WWOX: variants seen among roughly 807,000 people sequenced by gnomAD.
WWOX encodes the protein WW domain-containing oxidoreductase.
WWOX carries 69 observed loss-of-function variants against 46.2 expected under a neutral mutation model. The observed-to-expected ratio is 1.49, with a 90% CI of 1.23 to 1.82. WWOX has a LOEUF of 1.82. WWOX is among the 40% of genes most tolerant of loss of function. The probability of loss-of-function intolerance (pLI) is 0.00; values close to 1 mark genes in which losing one functional copy is unlikely to be tolerated. For missense variants in WWOX, 919 were observed against 542.6 expected (o/e 1.69, Z -6.89); for synonymous variants, 359 against 202.6 (o/e 1.77, Z -6.56).
At chr16:78,966,232 T>G (rs185558594) in intron 8 of WWOX, among the ~76,000 whole-genome samples, 26 of 152,326 alleles carry the variant, frequency 1.7e-4, no homozygotes, top group Admixed American at 3.9e-4. Flanking sequence ...AAGGCACTGG[T>G]TTAAGAGGCT....
intron 4 of WWOX, among the ~76,000 whole-genome samples, chr16:78,159,989 T>G (rs558966340): frequency 6.6e-6 from 1 of 152,158 alleles, no homozygotes; most frequent in South Asian, 2.1e-4. Flanking sequence ...CCTTTATCAA[T>G]TTTATTAGTT....
chr16:79,056,656 C>T (rs1447199597), intron 8 of WWOX, among the ~76,000 whole-genome samples: 1 of 152,206 alleles, frequency 6.6e-6, no homozygotes, highest in Admixed American at 6.5e-5. Flanking sequence ...TTGTCACAAA[C>T]ACAAATGTCT....
rs535383308 is a variant in WWOX, at chr16:78,864,708, C to A, written c.1057-346900C>A. Among the ~76,000 whole-genome samples the A allele has an allele frequency of 3.6e-5, 5 of 140,798 alleles. 1 individual carries two copies. The highest frequency in any genetic ancestry group is 2.2e-4 in the East Asian group (1 of 4,514). 92.4% of individuals were successfully genotyped at this position (140,798 alleles called of 152,430 possible). A position where few individuals can be genotyped will look rare whatever the true frequency, so the allele number is the denominator to read the frequency against. On this transcript the variant is annotated intron_variant, in intron 8 of 8. Coordinates refer to ENST00000566780, the MANE Select transcript of WWOX (RefSeq NM_016373.4). ...GACACATCACAGATGAACAATGGATCTTTGGTAATTAAAAACAGAGCTGTG... is the reference window on the plus strand; with the variant it reads ...GACACATCACAGATGAACAATGGATATTTGGTAATTAAAAACAGAGCTGTG...
intron 8 of WWOX, among the ~76,000 whole-genome samples, chr16:79,062,805 C>T (rs16944165): frequency 6.6e-6 from 1 of 152,014 alleles, no homozygotes; most frequent in South Asian, 2.1e-4. Context: ...TCTAACAGCC[C>T]CTTGAACAGT....
intron 8 of WWOX, among the ~76,000 whole-genome samples, chr16:78,664,042 A>T (rs1264958227): frequency 7.9e-5 from 12 of 152,182 alleles, no homozygotes; most frequent in Admixed American, 2.0e-4. Flanking sequence ...CATAATTTGA[A>T]TCATGGTTTT....
chr16:79,146,202 G>T (rs1306597246), intron 8 of WWOX, among the ~76,000 whole-genome samples: 1 of 152,290 alleles, frequency 6.6e-6, no homozygotes, highest in East Asian at 1.9e-4. Context: ...ATGTTACCTT[G>T]AATATAATGC....
intron 8 of WWOX, among the ~76,000 whole-genome samples, chr16:78,574,375 T>C (rs2044795434): frequency 6.6e-6 from 1 of 152,192 alleles, no homozygotes; most frequent in African/African-American, 2.4e-5. Context: ...GTAGGGATTA[T>C]GTGGGGCCAC....
intron 5 of WWOX, among the ~76,000 whole-genome samples, chr16:78,352,967 TTCTC>T (rs1198191874): frequency 9.2e-5 from 14 of 152,348 alleles, no homozygotes; most frequent in South Asian, 2.1e-4. Flanking sequence ...TTAAAAATAT[TTCTC>T]TCACTTACTT....
chr16:78,783,056 A>G (rs1036337329), intron 8 of WWOX, among the ~76,000 whole-genome samples: 16 of 152,338 alleles, frequency 1.1e-4, no homozygotes, highest in Middle Eastern at 3.4e-3. Flanking sequence ...CTTAAACTCA[A>G]TATGGAAAGC....
chr16:78,178,315 A>G (rs940752592), intron 5 of WWOX, among the ~76,000 whole-genome samples: 2 of 152,158 alleles, frequency 1.3e-5, no homozygotes, highest in African/African-American at 2.4e-5. Flanking sequence ...CATTCCCGCA[A>G]AAGCTCAGCC....
chr16:78,114,259 C>CTTGAAA (rs1567578317), intron 3 of WWOX, among the ~76,000 whole-genome samples: 2 of 152,154 alleles, frequency 1.3e-5, no homozygotes, highest in Middle Eastern at 3.4e-3. Flanking sequence ...TGCTATCACA[C>CTTGAAA]TTGAAATTTT....
At chr16:78,998,735 T>G (rs2047037729) in intron 8 of WWOX, among the ~76,000 whole-genome samples, 1 of 152,226 alleles carries the variant, frequency 6.6e-6, no homozygotes. Flanking sequence ...AACTTATACA[T>G]TGAAAGGTGG....
intron 8 of WWOX, among the ~76,000 whole-genome samples, chr16:78,634,194 A>C (rs1277044372): frequency 6.6e-6 from 1 of 152,222 alleles, no homozygotes; most frequent in Non-Finnish European, 1.5e-5. Flanking sequence ...GTCTAAATAC[A>C]AATGTCCAGG....
chr16:78,600,138 G>A (rs2045586778), intron 8 of WWOX, among the ~76,000 whole-genome samples: 1 of 152,050 alleles, frequency 6.6e-6, no homozygotes, highest in Admixed American at 6.5e-5. Context: ...CAGATCTCGT[G>A]AGACTTGTTC....
At chr16:78,571,370 T>C (rs2044712034) in intron 8 of WWOX, among the ~76,000 whole-genome samples, 1 of 151,616 alleles carries the variant, frequency 6.6e-6, no homozygotes, top group Non-Finnish European at 1.5e-5. Context: ...TAAATGTGTA[T>C]ATATATATAT....
At chr16:78,259,481 T>A (rs1597412293) in intron 5 of WWOX, among the ~76,000 whole-genome samples, 2 of 145,084 alleles carry the variant, frequency 1.4e-5, no homozygotes, top group South Asian at 4.2e-4. Context: ...CACACGCCAC[T>A]ATGCCCAGCT....
intron 8 of WWOX, among the ~76,000 whole-genome samples, chr16:78,498,690 T>A (rs781690513): frequency 1.4e-4 from 22 of 152,150 alleles, no homozygotes; most frequent in African/African-American, 2.4e-5. Context: ...GATTCCCCAT[T>A]CTCTCTTTCT....
At chr16:78,261,537 C>T (rs1054182863) in intron 5 of WWOX, among the ~76,000 whole-genome samples, 7 of 150,272 alleles carry the variant, frequency 4.7e-5, no homozygotes, top group African/African-American at 1.5e-4. Context: ...TTTTGTATTT[C>T]ATCTGTGATT....
intron 8 of WWOX, among the ~76,000 whole-genome samples, chr16:78,437,087 G>A (rs911555274): frequency 2.0e-5 from 3 of 152,164 alleles, no homozygotes; most frequent in Non-Finnish European, 4.4e-5. Context: ...GGTATTGCTG[G>A]AGTACACATT....
Sources: allele counts gnomAD v4.1 joint callset (sites outside exome capture counted in the v4.1 genomes callset), GRCh38; gene constraint gnomAD v4.1.1; transcripts MANE v1.5; gene names NCBI Gene and HGNC (gene_info 2026-07-23, HGNC 2026-07-21).